Variants in KLHL29 observed in about 807,000 individuals in gnomAD.
KLHL29 encodes kelch like family member 29, also known as kelch-like protein 29.
A neutral mutation model predicts 80.4 loss-of-function variants in KLHL29; 21 were observed. That is an observed-to-expected ratio of 0.26 (90% CI 0.19 to 0.38). The LOEUF (loss-of-function observed/expected upper bound fraction) is 0.38, where lower values mean the gene tolerates loss of function less well. KLHL29 is among the 10% of genes least tolerant of loss of function. KLHL29 has a pLI of 1.00. For synonymous variants in KLHL29, 511 were observed against 526.8 expected (o/e 0.97, Z 0.41); for missense variants, 867 against 1,223.9 (o/e 0.71, Z 4.35).
At chr2:23,566,001 G>C (rs1667581630) in intron 3 of KLHL29, among the ~76,000 whole-genome samples, 1 of 152,226 alleles carries the variant, frequency 6.6e-6, no homozygotes. Flanking sequence ...CCCAGGCAGG[G>C]GCCGGCTTCT....
At chr2:23,512,303 G>A (rs1414212705) in intron 2 of KLHL29, among the ~76,000 whole-genome samples, 2 of 152,080 alleles carry the variant, frequency 1.3e-5, no homozygotes, top group African/African-American at 4.8e-5. Context: ...AAATTAGCTG[G>A]GCATGGTGGC....
intron 2 of KLHL29, among the ~76,000 whole-genome samples, chr2:23,554,570 A>G (rs1405614390): frequency 6.6e-6 from 1 of 152,184 alleles, no homozygotes; most frequent in Non-Finnish European, 1.5e-5. Context: ...GTGTGTACAC[A>G]TGGTGCATGT....
At chr2:23,429,554 A>ACCAGCCTGG (rs1265730949) in intron 1 of KLHL29, among the ~76,000 whole-genome samples, 2 of 152,132 alleles carry the variant, frequency 1.3e-5, no homozygotes, top group Admixed American at 1.3e-4. Flanking sequence ...GGAGTTTGAG[A>ACCAGCCTGG]CCAGCCTGGC....
At position 23,604,353 on chromosome 2, in the gene KLHL29, C is replaced by T. The variant is rs371457943; in HGVS notation, c.286-34786C>T. Among the ~76,000 whole-genome samples, 250 of 152,296 alleles carry T rather than the reference C, an allele frequency of 1.6e-3. 9 individuals carry two copies. In the South Asian group the frequency reaches 0.048, roughly 29 times the overall value. ...CTTGTGATCTGCCTGCCTCGGCCTCCCAGAGTGCTGGGATTACAGGCGTGA... is the reference window on the plus strand; with the variant it reads ...CTTGTGATCTGCCTGCCTCGGCCTCTCAGAGTGCTGGGATTACAGGCGTGA... On this transcript the variant is annotated intron_variant, in intron 3 of 13. Coordinates refer to ENST00000486442, the MANE Select transcript of KLHL29 (RefSeq NM_052920.2).
At chr2:23,576,409 A>T (rs757832074) in intron 3 of KLHL29, among the ~76,000 whole-genome samples, 1 of 152,112 alleles carries the variant, frequency 6.6e-6, no homozygotes, top group Non-Finnish European at 1.5e-5. Flanking sequence ...TGTACCCATA[A>T]CTCATATTAA....
At chr2:23,463,517 C>T (rs993988140) in intron 1 of KLHL29, among the ~76,000 whole-genome samples, 1 of 152,148 alleles carries the variant, frequency 6.6e-6, no homozygotes, top group Admixed American at 6.5e-5. Flanking sequence ...TTTAAAACCC[C>T]TCAGCTTGTT....
At chr2:23,675,871 C>T (rs1166011279) in intron 5 of KLHL29, among the ~76,000 whole-genome samples, 3 of 152,160 alleles carry the variant, frequency 2.0e-5, no homozygotes, top group Admixed American at 6.5e-5. Context: ...CAAATAGTTC[C>T]AGTGGATCAC....
At chr2:23,430,281 A>G (rs894710130) in intron 1 of KLHL29, among the ~76,000 whole-genome samples, 1 of 152,198 alleles carries the variant, frequency 6.6e-6, no homozygotes, top group African/African-American at 2.4e-5. Flanking sequence ...TATGGAAACC[A>G]TATGTTGAGA....
chr2:23,670,755 G>A (rs1670693548), intron 5 of KLHL29, among the ~76,000 whole-genome samples: 1 of 151,914 alleles, frequency 6.6e-6, no homozygotes, highest in South Asian at 2.1e-4. Context: ...GAAATGGCAG[G>A]AGGCAGACAT....
rs536390178 is a variant in KLHL29 at position 23,560,955 on chromosome 2, G to A, written c.-45-1197G>A. On this transcript the variant is annotated intron_variant, in intron 2 of 13. Coordinates refer to ENST00000486442, the MANE Select transcript of KLHL29 (RefSeq NM_052920.2). ...GTCCACTGGCCAACAATTCCAGGGT[G>A]CCTCCCCAGGGCTGAGCTGGACTGG... Among the ~76,000 whole-genome samples, 14 of 152,354 alleles carry A rather than the reference G, an allele frequency of 9.2e-5. No individual in the cohort carries two copies. In the South Asian group the frequency reaches 2.9e-3, roughly 32 times the overall value.
At chr2:23,622,488 T>G (rs920759108) in intron 3 of KLHL29, among the ~76,000 whole-genome samples, 2 of 152,218 alleles carry the variant, frequency 1.3e-5, no homozygotes, top group African/African-American at 4.8e-5. Flanking sequence ...TCACAAAGGA[T>G]GGACAAATGC....
chr2:23,472,275 T>C (rs1664513318), intron 1 of KLHL29, among the ~76,000 whole-genome samples: 1 of 152,154 alleles, frequency 6.6e-6, no homozygotes, highest in African/African-American at 2.4e-5. Flanking sequence ...TCGGCAAAGA[T>C]GTCGGGAAGC....
At chr2:23,583,204 C>A (rs1226762295) in intron 3 of KLHL29, among the ~76,000 whole-genome samples, 2 of 152,158 alleles carry the variant, frequency 1.3e-5, no homozygotes, top group African/African-American at 2.4e-5. Context: ...TGTAAGCCAC[C>A]CACTGTGTGG....
chr2:23,678,485 G>A (rs1670982855), intron 5 of KLHL29, among the ~76,000 whole-genome samples: 1 of 152,200 alleles, frequency 6.6e-6, no homozygotes, highest in Non-Finnish European at 1.5e-5. Flanking sequence ...GAGAGACCAC[G>A]TGGAGCAGAA....
chr2:23,581,034 G>T (rs1667967546), intron 3 of KLHL29, among the ~76,000 whole-genome samples: 1 of 152,110 alleles, frequency 6.6e-6, no homozygotes, highest in African/African-American at 2.4e-5. Flanking sequence ...CCCAATAAAT[G>T]CTGGTGATCA....
At chr2:23,513,048 A>G (rs1329737683) in intron 2 of KLHL29, among the ~76,000 whole-genome samples, 1 of 152,022 alleles carries the variant, frequency 6.6e-6, no homozygotes, top group Non-Finnish European at 1.5e-5. Flanking sequence ...ACGCGTGGTG[A>G]CCCCCAAGAG....
chr2:23,642,361 G>T lies in KLHL29; in HGVS notation c.451G>T (p.Val151Leu). ...AGGCACAGGGCCATGGGTGACCACG[G>T]TGGCCGCCGGGAACCAGCCCACCCT... Reference protein sequence around the residue: ...NPGTGPWVTTVAAGNQPTLIA... With the variant: ...NPGTGPWVTTLAAGNQPTLIA... The change falls in exon 5 of 14, where the codon GTG (valine) becomes TTG (leucine). Residue 151 changes from valine to leucine, a missense_variant. Coordinates refer to ENST00000486442, the MANE Select transcript of KLHL29 (RefSeq NM_052920.2). 7.0e-7 allele frequency: 1 copy of T among 1,434,328 alleles called. No homozygotes were observed. Among genetic ancestry groups the T allele is most frequent in the South Asian group, 1.6e-5 (1 of 63,328 alleles). 88.9% of individuals were successfully genotyped at this position (1,434,328 alleles called of 1,614,324 possible). A position where few individuals can be genotyped will look rare whatever the true frequency, so the allele number is the denominator to read the frequency against.
chr2:23,669,710 C>T lies in KLHL29; in HGVS notation c.941-14689C>T, dbSNP rs1039143121. ...GTGTGGCTGCCCTGCCACCCCCAGTCAGCCTCTGAGCACAGTGGCCGGTGC... is the reference window on the plus strand; with the variant it reads ...GTGTGGCTGCCCTGCCACCCCCAGTTAGCCTCTGAGCACAGTGGCCGGTGC... On this transcript the variant is annotated intron_variant, in intron 5 of 13. Transcript: ENST00000486442. The surrounding 1 kb of genome is among the most constrained non-coding windows in gnomAD (Gnocchi z 4.3). 6.6e-5 allele frequency among the ~76,000 whole-genome samples: 10 copies of T among 152,180 alleles called. No homozygotes were observed. The highest frequency in any genetic ancestry group is 1.3e-4 in the Non-Finnish European group (9 of 68,024).
chr2:23,650,982 A>T (rs946818016), intron 5 of KLHL29, among the ~76,000 whole-genome samples: 1 of 152,170 alleles, frequency 6.6e-6, no homozygotes, highest in Non-Finnish European at 1.5e-5. Flanking sequence ...GTGGCACAAA[A>T]CTGGTTCAAT....
Sources: gnomAD v4.1 joint callset for allele counts (sites outside exome capture counted in the v4.1 genomes callset) on GRCh38, gnomAD v4.1.1 for gene constraint, Gnocchi (gnomAD v3.1) non-coding constraint, MANE v1.5 for transcripts, NCBI Gene and HGNC (gene_info 2026-07-23, HGNC 2026-07-21) for gene names.